Variants in MNAT1 observed in about 807,000 individuals in gnomAD.
MNAT1 encodes MNAT1 component of CDK activating kinase, also known as CDK-activating kinase assembly factor MAT1.
MNAT1 carries 43 observed loss-of-function variants against 42.0 expected under a neutral mutation model. That is an observed-to-expected ratio of 1.02 (90% CI 0.80 to 1.32). MNAT1 has a LOEUF of 1.32. Ranked by LOEUF, MNAT1 falls within the 40% of genes most tolerant of loss-of-function variation. The probability of loss-of-function intolerance (pLI) is 0.00; values close to 1 mark genes in which losing one functional copy is unlikely to be tolerated. For missense variants in MNAT1, 306 were observed against 350.4 expected, an observed-to-expected ratio of 0.87 and a Z score of 1.01; for synonymous variants, 118 against 120.0, an observed-to-expected ratio of 0.98 and a Z score of 0.11.
intron 7 of MNAT1, among the ~76,000 whole-genome samples, chr14:60,948,408 C>G (rs922948974): frequency 6.6e-6 from 1 of 152,066 alleles, no homozygotes; most frequent in African/African-American, 2.4e-5. Flanking sequence ...AGTGACAGAG[C>G]AAGACCCTGT....
Position 60,963,809 on chromosome 14 carries a change from C to T in MNAT1, c.810-4420C>T, listed in dbSNP as rs538518312. ...CAAGTTTTTAACTCTCCATAGGGCC[C>T]GGTAATTTGAGGTGGAGGAAACTAA... On this transcript the variant is annotated intron_variant, in intron 7 of 7. Coordinates refer to ENST00000261245, the MANE Select transcript of MNAT1 (RefSeq NM_002431.4). Among the ~76,000 whole-genome samples the T allele has an allele frequency of 4.8e-4, 73 of 152,206 alleles. 1 individual carries two copies. The Middle Eastern group carries it at 0.02, about 43-fold the overall frequency.
intron 6 of MNAT1, among the ~76,000 whole-genome samples, chr14:60,821,525 G>C (rs2139368617): frequency 1.3e-5 from 2 of 152,240 alleles, no homozygotes; most frequent in Admixed American, 1.3e-4. Flanking sequence ...GTACTTTCAA[G>C]TTTCTGTGAC....
At chr14:60,770,703 A>C (rs2031018229) in intron 1 of MNAT1, among the ~76,000 whole-genome samples, 1 of 152,126 alleles carries the variant, frequency 6.6e-6, no homozygotes, top group Admixed American at 6.5e-5. Flanking sequence ...TTTTTTTAGG[A>C]ATCTTCATAC....
chr14:60,794,695 T>C (rs2031955889), intron 1 of MNAT1, among the ~76,000 whole-genome samples: 2 of 142,690 alleles, frequency 1.4e-5, no homozygotes, highest in Admixed American at 7.0e-5. Flanking sequence ...GGTATATATA[T>C]ACATATGTGT....
At chr14:60,865,735 A>G (rs1464354457) in intron 6 of MNAT1, among the ~76,000 whole-genome samples, 3 of 151,898 alleles carry the variant, frequency 2.0e-5, no homozygotes, top group African/African-American at 4.8e-5. Flanking sequence ...TAAACAAAAT[A>G]TTTTTCTTGT....
intron 7 of MNAT1, among the ~76,000 whole-genome samples, chr14:60,897,243 T>C (rs1025322280): frequency 1.3e-5 from 2 of 152,130 alleles, no homozygotes; most frequent in African/African-American, 4.8e-5. Context: ...ATACCGGCCA[T>C]GAAAATACTA....
In MNAT1 at chr14:60,888,509, A is replaced by C. The variant is rs145706680; in HGVS notation, c.809+8674A>C. On this transcript the variant is annotated intron_variant, in intron 7 of 7. Coordinates refer to ENST00000261245, the MANE Select transcript of MNAT1 (RefSeq NM_002431.4). ...CAATATCATACAGAATGGACAAAAA[A>C]TGGAAGCATTCCCTTTGAAAACTGG... 3.3e-3 allele frequency among the ~76,000 whole-genome samples: 498 copies of C among 152,120 alleles called. 4 individuals are homozygous for C. Among genetic ancestry groups the C allele is most frequent in the African/African-American group, 4.2e-3 (176 of 41,428 alleles).
intron 7 of MNAT1, among the ~76,000 whole-genome samples, chr14:60,907,828 A>G (rs1173618395): frequency 1.3e-5 from 2 of 150,686 alleles, no homozygotes; most frequent in Non-Finnish European, 3.0e-5. Context: ...AATTTTAATG[A>G]AACAAAGATT....
At chr14:60,735,051 T>C (rs1483295124) in intron 1 of MNAT1, 100 bp downstream of exon 1, 1 of 1,139,216 alleles carries the variant, frequency 8.8e-7, no homozygotes, top group Non-Finnish European at 1.3e-6. Flanking sequence ...AAGGGCGTTG[T>C]TAGTTTCAAC....
At chr14:60,796,871 G>A (rs2032035072) in intron 2 of MNAT1, among the ~76,000 whole-genome samples, 1 of 152,116 alleles carries the variant, frequency 6.6e-6, no homozygotes, top group Admixed American at 6.5e-5. Context: ...GGCAGAGGAG[G>A]TAACATTAAG....
rs188297383 is a variant in MNAT1, at chr14:60,867,013, A to G, written c.688-12701A>G. On this transcript the variant is annotated intron_variant, in intron 6 of 7. Transcript: ENST00000261245. ...GAGGAGATTACAAATGAATTTGGCT[A>G]ACAAATCTTTAAGGAATTTCACTGT... Among the ~76,000 whole-genome samples, 4 of 152,226 alleles carry G rather than the reference A, an allele frequency of 2.6e-5. No homozygotes were observed. In the East Asian group the frequency reaches 7.7e-4, roughly 29 times the overall value.
At chr14:60,922,558 CTG>C (rs2035683564) in intron 7 of MNAT1, among the ~76,000 whole-genome samples, 1 of 151,922 alleles carries the variant, frequency 6.6e-6, no homozygotes, top group Non-Finnish European at 1.5e-5. Flanking sequence ...CTTGAGGTCT[CTG>C]TAGATTGATC....
intron 7 of MNAT1, among the ~76,000 whole-genome samples, chr14:60,883,481 T>A (rs1345698322): frequency 6.6e-6 from 1 of 152,146 alleles, no homozygotes; most frequent in Admixed American, 6.6e-5. Flanking sequence ...TTACTATAGC[T>A]CTGTAGTATT....
At chr14:60,748,154 G>A (rs1421507318) in intron 1 of MNAT1, among the ~76,000 whole-genome samples, 6 of 151,608 alleles carry the variant, frequency 4.0e-5, no homozygotes, top group East Asian at 1.9e-4. Flanking sequence ...CTAAAATTGC[G>A]CTACTGCACT....
At chr14:60,952,322 A>G (rs2036398596) in intron 7 of MNAT1, among the ~76,000 whole-genome samples, 1 of 152,194 alleles carries the variant, frequency 6.6e-6, no homozygotes, top group African/African-American at 2.4e-5. Flanking sequence ...AATCCAATGA[A>G]TGTCTTTTTG....
chr14:60,836,711 G>A (rs151225025), intron 6 of MNAT1, among the ~76,000 whole-genome samples: 124 of 152,316 alleles, frequency 8.1e-4, no homozygotes, highest in East Asian at 2.5e-3. Context: ...CAGGAGGCAC[G>A]GAGGTCAGGG....
At chr14:60,793,878 A>G (rs1182936497) in intron 1 of MNAT1, among the ~76,000 whole-genome samples, 1 of 152,138 alleles carries the variant, frequency 6.6e-6, no homozygotes. Context: ...TTTCACAGTT[A>G]AAATTAGAAA....
intron 6 of MNAT1, among the ~76,000 whole-genome samples, chr14:60,867,568 T>A (rs1343674581): frequency 6.6e-6 from 1 of 152,152 alleles, no homozygotes; most frequent in Non-Finnish European, 1.5e-5. Context: ...TTCTACTGGC[T>A]GTTTCTTTAG....
chr14:60,780,112 A>G (rs1410280629), intron 1 of MNAT1: 3 of 1,461,442 alleles, frequency 2.1e-6, no homozygotes, highest in Non-Finnish European at 2.9e-6. Context: ...TCTTTACTCG[A>G]GTGCAGAAAT....
Sources: allele counts gnomAD v4.1 joint callset (sites outside exome capture counted in the v4.1 genomes callset), GRCh38; gene constraint gnomAD v4.1.1; transcripts MANE v1.5; gene names NCBI Gene and HGNC (gene_info 2026-07-23, HGNC 2026-07-21).